Variants in PLAC1 observed in about 807,000 individuals in gnomAD.
The protein encoded by PLAC1 is placenta associated 1, also known as placenta-specific protein 1.
For synonymous variants in PLAC1, 68 were observed against 62.1 expected (o/e 1.09, Z -0.44); for missense variants, 136 against 163.2 (o/e 0.83, Z 0.91).
chrX:134,594,321 T>C (rs2078052855), intron 2 of PLAC1, among the ~76,000 whole-genome samples: 2 of 111,914 alleles, frequency 1.8e-5, no homozygotes, highest in Middle Eastern at 4.6e-3. Flanking sequence ...TATTAATTTT[T>C]GCATTTACAT....
chrX:134,576,629 C>T (rs942503365), intron 2 of PLAC1, among the ~76,000 whole-genome samples: 2 of 111,192 alleles, frequency 1.8e-5, no homozygotes, highest in African/African-American at 6.6e-5. Flanking sequence ...GAAATATGCT[C>T]TTTACAGAGG....
In PLAC1 at chrX:134,721,310, C is replaced by T. The variant is rs979202247; in HGVS notation, n.174+12125G>A. Among the ~76,000 whole-genome samples, 6 of 111,825 alleles carry T rather than the reference C, an allele frequency of 5.4e-5. 1 individual carries two copies. The highest frequency in any genetic ancestry group is 1.6e-4 in the African/African-American group (5 of 30,806). On this transcript the variant is annotated intron_variant and non_coding_transcript_variant, in intron 2 of 2. Transcript: ENST00000466797. The stretch of plus-strand genomic sequence containing the variant: ...AAGACAGGCTGGGCATGGTGGCTCA[C>T]GCCTATAATCCCAGCACTTTGGGAG...
intron 1 of PLAC1, among the ~76,000 whole-genome samples, chrX:134,609,911 T>C (rs2078143864): frequency 8.9e-6 from 1 of 112,117 alleles, no homozygotes. Context: ...TATGTGAATT[T>C]TGAGGAGACA....
intron 2 of PLAC1, among the ~76,000 whole-genome samples, chrX:134,696,792 G>T (rs2078565081): frequency 9.0e-6 from 1 of 110,754 alleles, no homozygotes; most frequent in Admixed American, 9.6e-5. Flanking sequence ...ACTTTGGGAG[G>T]CCGAGGCGGG....
At chrX:134,634,141 A>G (rs1231370842) in intron 1 of PLAC1, among the ~76,000 whole-genome samples, 1 of 111,138 alleles carries the variant, frequency 9.0e-6, no homozygotes, top group East Asian at 2.9e-4. Context: ...ATAAAGGGGG[A>G]AAAAAACCCC....
At chrX:134,651,691 T>C (rs747524008) in intron 1 of PLAC1, among the ~76,000 whole-genome samples, 1 of 110,222 alleles carries the variant, frequency 9.1e-6, no homozygotes, top group East Asian at 2.9e-4. Context: ...TCTGTGCCTG[T>C]TCCCTTCACT....
At chrX:134,760,635 GT>G (rs1205848683) in intron 1 of PLAC1, among the ~76,000 whole-genome samples, 1 of 108,503 alleles carries the variant, frequency 9.2e-6, no homozygotes, top group Non-Finnish European at 1.9e-5. Context: ...ACAGTGTTAG[GT>G]TAAAAAAAAA....
chrX:134,754,139 A>G (rs1262656893), intron 1 of PLAC1, among the ~76,000 whole-genome samples: 2 of 112,279 alleles, frequency 1.8e-5, no homozygotes, highest in Non-Finnish European at 3.8e-5. Context: ...TCCAATGAGC[A>G]TATGGTACTT....
intron 2 of PLAC1, among the ~76,000 whole-genome samples, chrX:134,732,212 G>T (rs972239009): frequency 1.8e-5 from 2 of 111,380 alleles, no homozygotes; most frequent in African/African-American, 3.3e-5. Context: ...GCTCCAGACA[G>T]AAATTAAATC....
intron 2 of PLAC1, among the ~76,000 whole-genome samples, chrX:134,569,177 C>T (rs1232416847): frequency 4.5e-5 from 5 of 111,353 alleles, no homozygotes; most frequent in Non-Finnish European, 7.5e-5. Flanking sequence ...CTTTCCTGTA[C>T]TCCTTCTCCT....
chrX:134,593,715 G>T (rs1359875090), intron 2 of PLAC1, among the ~76,000 whole-genome samples: 1 of 111,557 alleles, frequency 9.0e-6, no homozygotes, highest in African/African-American at 3.2e-5. Context: ...TTAATATATA[G>T]AAATACAATT....
intron 1 of PLAC1, among the ~76,000 whole-genome samples, chrX:134,647,169 C>G (rs1457370300): frequency 9.0e-6 from 1 of 111,465 alleles, no homozygotes; most frequent in Non-Finnish European, 1.9e-5. Context: ...CCTCTTGTCC[C>G]CCACAGCTCC....
At chrX:134,680,861 C>T (rs1173639487) in intron 2 of PLAC1, among the ~76,000 whole-genome samples, 1 of 111,955 alleles carries the variant, frequency 8.9e-6, no homozygotes, top group Non-Finnish European at 1.9e-5. Context: ...CATATCCTCT[C>T]TTCCTGAAGT....
chrX:134,661,228 A>G (rs188111586), upstream of PLAC1, among the ~76,000 whole-genome samples: 345 of 111,899 alleles, frequency 3.1e-3, 2 homozygotes, highest in Non-Finnish European at 4.7e-3. Flanking sequence ...TCAGGCCGCT[A>G]TGTTATATGC....
At chrX:134,741,567 T>C (rs1468362751) in intron 1 of PLAC1, among the ~76,000 whole-genome samples, 1 of 110,732 alleles carries the variant, frequency 9.0e-6, no homozygotes, top group Non-Finnish European at 1.9e-5. Context: ...GTGACCCCTT[T>C]GTGGTAAACA....
intron 2 of PLAC1, among the ~76,000 whole-genome samples, chrX:134,589,726 C>CAAA (rs11319611): frequency 1.8e-4 from 13 of 73,695 alleles, no homozygotes; most frequent in African/African-American, 6.6e-4. Context: ...GACTCTGTCT[C>CAAA]AAAAAAAAAA....
chrX:134,566,976 A>G (rs1306404364), intron 2 of PLAC1, among the ~76,000 whole-genome samples: 1 of 112,393 alleles, frequency 8.9e-6, no homozygotes, highest in Non-Finnish European at 1.9e-5. Flanking sequence ...TATCCCTAAT[A>G]TGTAGAACAA....
In PLAC1 at chrX:134,704,229, T is replaced by C. The variant is rs6638287; in HGVS notation, n.174+29206A>G. ...GAAATATAGGCTGGGCGTGGTGGCTTACACCTGTAATCCCAGCACTTCAGG... is the reference window on the plus strand; with the variant it reads ...GAAATATAGGCTGGGCGTGGTGGCTCACACCTGTAATCCCAGCACTTCAGG... On this transcript the variant is annotated intron_variant and non_coding_transcript_variant, in intron 2 of 2. Coordinates refer to the PLAC1 transcript ENST00000466797. Among the ~76,000 whole-genome samples the C allele has an allele frequency of 3.2e-3, 353 of 109,022 alleles. 1 individual carries two copies. The highest frequency in any genetic ancestry group is 0.011 in the African/African-American group (335 of 30,005). 94.7% of individuals were successfully genotyped at this position (109,022 alleles called of 115,157 possible).
intron 1 of PLAC1, among the ~76,000 whole-genome samples, chrX:134,648,079 G>T (rs2078343390): frequency 1.8e-5 from 2 of 111,516 alleles, no homozygotes; most frequent in South Asian, 7.6e-4. Context: ...ACCCTGCCTG[G>T]AATTTCAGCT....
Sources: allele counts gnomAD v4.1 joint callset (sites outside exome capture counted in the v4.1 genomes callset), GRCh38; gene constraint gnomAD v4.1.1; transcripts MANE v1.5; gene names NCBI Gene and HGNC (gene_info 2026-07-23, HGNC 2026-07-21).